PTK2B: variants seen among roughly 807,000 people sequenced by gnomAD.
PTK2B encodes the protein protein tyrosine kinase 2 beta, also known as protein-tyrosine kinase 2-beta.
A neutral mutation model predicts 142.9 loss-of-function variants in PTK2B; 71 were observed. The ratio of observed to expected loss-of-function variants is 0.50; its 90% confidence interval spans 0.41 to 0.61. The LOEUF is 0.61. PTK2B is among the 20% of genes least tolerant of loss of function. PTK2B has a pLI of 0.00. For synonymous variants in PTK2B, 519 were observed against 503.4 expected (o/e 1.03, Z -0.42); for missense variants, 1,105 against 1,320.4 (o/e 0.84, Z 2.53).
chr8:27,326,481 CA>C (rs1803427282), intron 1 of PTK2B, among the ~76,000 whole-genome samples: 2 of 152,178 alleles, frequency 1.3e-5, no homozygotes, highest in Non-Finnish European at 2.9e-5. Context: ...AAACTGGGAG[CA>C]AAATCCAAGT....
intron 16 of PTK2B, 75 bp from the exon 17 acceptor site, chr8:27,437,321 T>A: frequency 1.3e-6 from 2 of 1,552,376 alleles, no homozygotes; most frequent in Non-Finnish European, 8.9e-7. Context: ...TCCTCCCAGC[T>A]AGAAGAGCAA....
chr8:27,427,778 G>T (rs1337785494), intron 5 of PTK2B, among the ~76,000 whole-genome samples: 1 of 152,100 alleles, frequency 6.6e-6, no homozygotes. Flanking sequence ...TCAGGTGGGA[G>T]GAGGAAGAGG....
intron 1 of PTK2B, among the ~76,000 whole-genome samples, chr8:27,358,546 T>C (rs940740478): frequency 3.3e-5 from 5 of 152,212 alleles, no homozygotes; most frequent in African/African-American, 1.2e-4. Context: ...ACTTTTGATG[T>C]CTTAATGTTT....
intron 5 of PTK2B, among the ~76,000 whole-genome samples, chr8:27,422,600 C>G (rs882397): frequency 0.4 from 60,852 of 152,086 alleles, 12,449 homozygotes; most frequent in South Asian, 0.53. Flanking sequence ...GTCTCACTCT[C>G]CTGGCTTCCA....
At chr8:27,446,449 A>G (rs1229211679) in intron 24 of PTK2B, among the ~76,000 whole-genome samples, 1 of 152,062 alleles carries the variant, frequency 6.6e-6, no homozygotes, top group Non-Finnish European at 1.5e-5. Context: ...CAGGGACCTA[A>G]GCCACTTCCC....
Position 27,442,869 on chromosome 8 carries a change from C to G in PTK2B, c.2040-6C>G, listed in dbSNP as rs759200151. The G allele has an allele frequency of 6.2e-7, 1 of 1,611,442 alleles. No homozygotes were observed. The highest frequency in any genetic ancestry group is 8.5e-7 in the Non-Finnish European group (1 of 1,177,564). On this transcript the variant is annotated splice_region_variant and splice_polypyrimidine_tract_variant and intron_variant, in intron 21 of 30. Coordinates refer to ENST00000346049, the MANE Select transcript of PTK2B (RefSeq NM_173176.3). The stretch of plus-strand genomic sequence containing the variant: ...TTCTCTCCTTATCTGACGTGACTCC[C>G]TGCAGTGACGTTTATCAGATGGAGA...
chr8:27,371,927 G>A lies in PTK2B; in HGVS notation c.-37-25621G>A, dbSNP rs117073910. 8.9e-4 allele frequency among the ~76,000 whole-genome samples: 136 copies of A among 152,304 alleles called. 2 individuals carry two copies. In the East Asian group the frequency reaches 0.019, roughly 21 times the overall value. ...GAGCACCTCGTGTGTGCCAGGCACCGATCCAGGCAGAGGCGCATGGCCTGG... is the reference window on the plus strand; with the variant it reads ...GAGCACCTCGTGTGTGCCAGGCACCAATCCAGGCAGAGGCGCATGGCCTGG... On this transcript the variant is annotated intron_variant, in intron 1 of 30. Coordinates refer to ENST00000346049, the MANE Select transcript of PTK2B (RefSeq NM_173176.3).
intron 2 of PTK2B, among the ~76,000 whole-genome samples, chr8:27,410,505 G>C (rs1808992836): frequency 6.6e-6 from 1 of 152,194 alleles, no homozygotes; most frequent in African/African-American, 2.4e-5. Flanking sequence ...GAGGACAGTG[G>C]GGGACTCAGC....
chr8:27,401,038 C>T (rs932456563), intron 2 of PTK2B, among the ~76,000 whole-genome samples: 4 of 152,146 alleles, frequency 2.6e-5, no homozygotes, highest in Admixed American at 2.0e-4. Flanking sequence ...ACTCAGGAGG[C>T]TGAGGCAAGA....
At chr8:27,342,257 C>A (rs1228045474) in intron 1 of PTK2B, among the ~76,000 whole-genome samples, 1 of 151,724 alleles carries the variant, frequency 6.6e-6, no homozygotes, top group African/African-American at 2.4e-5. Context: ...GCAGTCATTT[C>A]TTCTTCTCTT....
chr8:27,354,172 A>G (rs1012970969), intron 1 of PTK2B, among the ~76,000 whole-genome samples: 6 of 152,230 alleles, frequency 3.9e-5, no homozygotes, highest in African/African-American at 1.4e-4. Context: ...GCTCCCAGCC[A>G]TAGCCCTATC....
At chr8:27,339,287 C>T (rs1804251446) in intron 1 of PTK2B, among the ~76,000 whole-genome samples, 1 of 152,182 alleles carries the variant, frequency 6.6e-6, no homozygotes, top group East Asian at 1.9e-4. Flanking sequence ...CTCTTCATTG[C>T]TCTTTCCATC....
intron 2 of PTK2B, among the ~76,000 whole-genome samples, chr8:27,404,212 T>C (rs895405354): frequency 3.3e-5 from 5 of 152,116 alleles, no homozygotes; most frequent in African/African-American, 1.2e-4. Context: ...CATGGTGTTT[T>C]CTCCCTCCAG....
intron 2 of PTK2B, among the ~76,000 whole-genome samples, chr8:27,406,258 G>A (rs1330710524): frequency 8.2e-6 from 1 of 121,762 alleles, no homozygotes; most frequent in Non-Finnish European, 1.8e-5. Flanking sequence ...ATCTCATCTT[G>A]AGATCCTTAA....
intron 3 of PTK2B, among the ~76,000 whole-genome samples, chr8:27,420,422 G>A (rs530873501): frequency 6.2e-4 from 94 of 152,308 alleles, no homozygotes; most frequent in African/African-American, 2.2e-3. Context: ...GAGAAAGGTG[G>A]AGAGTCAGGG....
intron 3 of PTK2B, among the ~76,000 whole-genome samples, chr8:27,313,470 G>T (rs1262393045): frequency 2.0e-5 from 3 of 152,200 alleles, no homozygotes; most frequent in Non-Finnish European, 4.4e-5. Flanking sequence ...ACTTGGAAGA[G>T]ACCCAAGCGG....
chr8:27,349,545 G>T (rs1804921998), intron 1 of PTK2B, among the ~76,000 whole-genome samples: 1 of 152,210 alleles, frequency 6.6e-6, no homozygotes, highest in Non-Finnish European at 1.5e-5. Flanking sequence ...CGGGGCAGGG[G>T]GTGAAGACCT....
chr8:27,311,458 G>A (rs1328895205), upstream of PTK2B: 13 of 614,634 alleles, frequency 2.1e-5, no homozygotes, highest in Admixed American at 7.1e-5. Flanking sequence ...GAAATCTTGG[G>A]AGAGCGGGGT....
chr8:27,338,046 T>A (rs60410798), intron 1 of PTK2B, among the ~76,000 whole-genome samples: 7,417 of 152,254 alleles, frequency 0.049, 517 homozygotes, highest in African/African-American at 0.15. Context: ...TGTAATTTCG[T>A]TGTTAGCCAT....
Sources: allele counts gnomAD v4.1 joint callset (sites outside exome capture counted in the v4.1 genomes callset), GRCh38; gene constraint gnomAD v4.1.1; transcripts MANE v1.5; gene names NCBI Gene and HGNC (gene_info 2026-07-23, HGNC 2026-07-21).